The following SAR1B variants were observed in gnomAD, a reference collection of about 807,000 sequenced individuals.
SAR1B encodes the protein secretion associated Ras related GTPase 1B.
In SAR1B, 23 loss-of-function variants were observed where a neutral mutation model predicts 26.8. The ratio of observed to expected loss-of-function variants is 0.86; its 90% CI spans 0.62 to 1.22. The LOEUF (loss-of-function observed/expected upper bound fraction) is 1.22. Among genes scored for constraint, SAR1B ranks in the 50% most tolerant of loss-of-function variants. SAR1B has a pLI of 0.00. For synonymous variants in SAR1B, 65 were observed against 80.8 expected, an observed-to-expected ratio of 0.80 and a Z score of 1.05; for missense variants, 196 against 232.8, an observed-to-expected ratio of 0.84 and a Z score of 1.03.
chr5:134,606,964 G>T lies in SAR1B; in HGVS notation c.583C>A (p.Gln195Lys). ...GTGAGTTTGTGTTAATCAATGTACTGTGCCATCCAGCGGAAGCCTTCTCCG... is the reference window on the plus strand; with the variant it reads ...GTGAGTTTGTGTTAATCAATGTACTTTGCCATCCAGCGGAAGCCTTCTCCG... Reference protein sequence around the residue: ...GYGEGFRWMAQYID With the variant: ...GYGEGFRWMAKYID Residue 195 changes from glutamine to lysine, a missense_variant, in exon 7 of 7, where the codon CAG becomes AAG. By Grantham distance (53) the Gln-to-Lys change is moderately conservative. Coordinates refer to ENST00000402673, the MANE Select transcript of SAR1B (RefSeq NM_016103.4). 6.2e-7 allele frequency: 1 copy of T among 1,611,236 alleles called. No individual in the cohort carries two copies. Among genetic ancestry groups the T allele is most frequent in the Non-Finnish European group, 8.5e-7 (1 of 1,177,366 alleles).
chr5:134,622,207 A>C (rs1345463513), intron 2 of SAR1B, among the ~76,000 whole-genome samples: 2 of 152,196 alleles, frequency 1.3e-5, no homozygotes, highest in East Asian at 3.8e-4. Flanking sequence ...TCTAAGAAGT[A>C]AATTGTTTGA....
chr5:134,606,854 C>G lies in SAR1B; in HGVS notation c.*96G>C, dbSNP rs978349379. 2.4e-6 allele frequency: 2 copies of G among 818,518 alleles called. No individual in the cohort carries two copies. The highest frequency in any genetic ancestry group is 2.2e-6 in the Non-Finnish European group (1 of 455,986). 50.7% of individuals were successfully genotyped at this position (818,518 alleles called of 1,614,324 possible). A position where few individuals can be genotyped will look rare whatever the true frequency, so the allele number is the denominator to read the frequency against. ...AATCTAAAAAACATCTGTTTTATAA[C>G]CAGCAAAAGTCTATTGAATTCAAGT... On this transcript the variant is annotated 3_prime_UTR_variant, in exon 7 of 7. Coordinates refer to ENST00000402673, the MANE Select transcript of SAR1B (RefSeq NM_016103.4).
intron 3 of SAR1B, among the ~76,000 whole-genome samples, chr5:134,616,821 A>G (rs893646517): frequency 6.6e-6 from 1 of 152,254 alleles, no homozygotes; most frequent in Non-Finnish European, 1.5e-5. Context: ...ATGTAGCATA[A>G]TATGACTGAA....
intron 1 of SAR1B, among the ~76,000 whole-genome samples, chr5:134,627,910 C>T (rs948549496): frequency 3.3e-5 from 5 of 151,930 alleles, no homozygotes; most frequent in Non-Finnish European, 7.4e-5. Flanking sequence ...GAGGCCGAGG[C>T]GGGCAGATCA....
chr5:134,632,568 C>T (rs1033416985), intron 1 of SAR1B, among the ~76,000 whole-genome samples, 160 bp downstream of exon 1: 1 of 152,206 alleles, frequency 6.6e-6, no homozygotes, highest in Admixed American at 6.6e-5. Context: ...TGAGACCTGT[C>T]CTCCCTCGCG....
chr5:134,612,912 G>C, intron 3 of SAR1B, 156 bp from the exon 4 acceptor site: 2 of 648,222 alleles, frequency 3.1e-6, no homozygotes, highest in Non-Finnish European at 2.7e-6. Context: ...AAAGACCCGT[G>C]CTAACATTCT....
chr5:134,626,129 T>C (rs953767552), intron 1 of SAR1B, among the ~76,000 whole-genome samples: 1 of 151,528 alleles, frequency 6.6e-6, no homozygotes, highest in Non-Finnish European at 1.5e-5. Flanking sequence ...CAAAACCCCA[T>C]CTCTACTAAA....
At chr5:134,609,283 T>A (rs1765176601) in intron 5 of SAR1B, 2 of 463,630 alleles carry the variant, frequency 4.3e-6, no homozygotes, top group Non-Finnish European at 8.0e-6. Context: ...ACTCCAGGAA[T>A]ATAACAGACA....
intron 1 of SAR1B, among the ~76,000 whole-genome samples, chr5:134,630,160 A>C (rs1765576040): frequency 6.6e-6 from 1 of 151,976 alleles, no homozygotes; most frequent in Non-Finnish European, 1.5e-5. Context: ...GTACTTAACG[A>C]AATGAGTGTA....
chr5:134,620,781 G>A (rs948327540), intron 3 of SAR1B, 152 bp downstream of exon 3: 18 of 863,048 alleles, frequency 2.1e-5, no homozygotes, highest in Non-Finnish European at 1.1e-5. Flanking sequence ...TTAAGCCCAG[G>A]AGACAGAGGT....
Position 134,605,051 on chromosome 5 carries a change from T to C in SAR1B, c.*1899A>G, listed in dbSNP as rs1765104898. The C allele has an allele frequency of 2.0e-5, 3 of 152,126 alleles. No individual in the cohort carries two copies. Among genetic ancestry groups the C allele is most frequent in the South Asian group, 4.1e-4 (2 of 4,828 alleles). The allele number at this position is 152,126 out of a possible 1,614,324, so 9.4% of individuals were successfully genotyped here. On this transcript the variant is annotated 3_prime_UTR_variant, in exon 7 of 7. Transcript: ENST00000402673. ...CTTTTGTTTTCATTTAGAAAGAAGATGAAAGTGAAAACAGAATAGTCAGAT... is the reference window on the plus strand; with the variant it reads ...CTTTTGTTTTCATTTAGAAAGAAGACGAAAGTGAAAACAGAATAGTCAGAT...
At chr5:134,608,525 A>G (rs758447362) in intron 5 of SAR1B, 22 bp from the exon 6 acceptor site, 1 of 1,606,470 alleles carries the variant, frequency 6.2e-7, no homozygotes, top group Admixed American at 1.7e-5. Context: ...AAAACAATAC[A>G]AAACAAGAGT....
Position 134,602,147 on chromosome 5 carries a change from A to G in SAR1B, c.*4803T>C, listed in dbSNP as rs571703898. 6.6e-6 allele frequency: 1 copy of G among 152,286 alleles called. No homozygotes were observed. The highest frequency in any genetic ancestry group is 1.5e-5 in the Non-Finnish European group (1 of 68,018). 9.4% of individuals were successfully genotyped at this position (152,286 alleles called of 1,614,324 possible). A position where few individuals can be genotyped will look rare whatever the true frequency, so the allele number is the denominator to read the frequency against. On this transcript the variant is annotated 3_prime_UTR_variant, in exon 7 of 7. Coordinates refer to ENST00000402673, the MANE Select transcript of SAR1B (RefSeq NM_016103.4). ...ACTCAGTTTTCTATTTCTGCCCTAA[A>G]ATCTATTTGGGGCAGGGGACACACC...
At chr5:134,612,641 T>TAAAAAAAAAAAAAAAAAAAAAAAA (rs34365859) in intron 4 of SAR1B, 50 bp downstream of exon 4, 9 of 767,852 alleles carry the variant, frequency 1.2e-5, no homozygotes, top group Non-Finnish European at 1.1e-5. Context: ...TGAGCCTGTC[T>TAAAAAAAAAAAAAAAAAAAAAAAA]AAAAAAAAAA....
At chr5:134,611,842 A>G (rs1334315075) in intron 4 of SAR1B, among the ~76,000 whole-genome samples, 5 of 151,930 alleles carry the variant, frequency 3.3e-5, no homozygotes, top group Non-Finnish European at 5.9e-5. Flanking sequence ...TTGAAGCAAA[A>G]AGAACGGGAA....
At chr5:134,617,297 G>A (rs1765330908) in intron 3 of SAR1B, among the ~76,000 whole-genome samples, 1 of 152,056 alleles carries the variant, frequency 6.6e-6, no homozygotes, top group African/African-American at 2.4e-5. Flanking sequence ...TTTGTACAAG[G>A]TTTTTGGTAA....
intron 3 of SAR1B, among the ~76,000 whole-genome samples, chr5:134,617,525 A>G (rs1382681518): frequency 6.6e-6 from 1 of 152,222 alleles, no homozygotes; most frequent in African/African-American, 2.4e-5. Flanking sequence ...TTCCCCTAGT[A>G]TCCAGAACAA....
At chr5:134,618,726 G>A (rs1369331169) in intron 3 of SAR1B, among the ~76,000 whole-genome samples, 1 of 152,194 alleles carries the variant, frequency 6.6e-6, no homozygotes, top group Non-Finnish European at 1.5e-5. Context: ...AGCCAAGTGT[G>A]GTGGCTCACG....
At chr5:134,613,710 TTTTCTC>T (rs1333485447) in intron 3 of SAR1B, 2 of 152,224 alleles carry the variant, frequency 1.3e-5, no homozygotes, top group Admixed American at 1.3e-4. Flanking sequence ...GGTGAAATAA[TTTTCTC>T]TTATGGCTGA....
Sources: allele counts gnomAD v4.1 joint callset (sites outside exome capture counted in the v4.1 genomes callset), GRCh38; gene constraint gnomAD v4.1.1; transcripts MANE v1.5; gene names NCBI Gene and HGNC (gene_info 2026-07-23, HGNC 2026-07-21).